CACNB2: variants seen among roughly 807,000 people sequenced by gnomAD.
The protein encoded by CACNB2 is calcium voltage-gated channel auxiliary subunit beta 2.
CACNB2 carries 42 observed loss-of-function variants against 73.3 expected under a neutral mutation model. The ratio of observed to expected loss-of-function variants is 0.57; its 90% CI spans 0.45 to 0.74. The LOEUF (loss-of-function observed/expected upper bound fraction) is 0.74. Ranked by LOEUF, CACNB2 falls within the 30% of genes least tolerant of loss-of-function variation. The pLI is 0.00. For synonymous variants in CACNB2, 348 were observed against 310.3 expected, an observed-to-expected ratio of 1.12 and a Z score of -1.28; for missense variants, 940 against 853.0, an observed-to-expected ratio of 1.10 and a Z score of -1.27.
chr10:18,413,649 A>T (rs1247369003), intron 3 of CACNB2, among the ~76,000 whole-genome samples: 1 of 152,206 alleles, frequency 6.6e-6, no homozygotes, highest in African/African-American at 2.4e-5. Context: ...TTGCAGGGGC[A>T]GGGGTCATGC....
At chr10:18,505,144 C>T (rs10828803) in intron 5 of CACNB2, among the ~76,000 whole-genome samples, 33,940 of 151,444 alleles carry the variant, frequency 0.22, 4,027 homozygotes, top group East Asian at 0.36. Context: ...CCATTTGCAG[C>T]ATTTGTCACA....
intron 3 of CACNB2, among the ~76,000 whole-genome samples, chr10:18,403,787 A>C (rs1351502363): frequency 2.0e-5 from 3 of 152,192 alleles, no homozygotes; most frequent in Non-Finnish European, 4.4e-5. Flanking sequence ...TTTAAAACAA[A>C]GGCAAAATAA....
intron 2 of CACNB2, among the ~76,000 whole-genome samples, chr10:18,401,657 A>G (rs1421380088): frequency 6.6e-6 from 1 of 152,126 alleles, no homozygotes; most frequent in Non-Finnish European, 1.5e-5. Flanking sequence ...TAATTATAAA[A>G]CCAACTTGTT....
intron 3 of CACNB2, among the ~76,000 whole-genome samples, chr10:18,417,328 A>T (rs1463988996): frequency 2.8e-5 from 4 of 144,962 alleles, no homozygotes. Flanking sequence ...ACACTTCAAC[A>T]TTATTTAAAC....
At chr10:18,418,387 G>C (rs558443131) in intron 3 of CACNB2, among the ~76,000 whole-genome samples, 1 of 152,280 alleles carries the variant, frequency 6.6e-6, no homozygotes, top group South Asian at 2.1e-4. Context: ...TGTTTATTCT[G>C]ATTTCCTACT....
chr10:18,271,576 C>CAT (rs1321658897), intron 2 of CACNB2, among the ~76,000 whole-genome samples: 2 of 152,106 alleles, frequency 1.3e-5, no homozygotes, highest in African/African-American at 4.8e-5. Flanking sequence ...ACATCTTTAT[C>CAT]ATATATAAAA....
intron 3 of CACNB2, among the ~76,000 whole-genome samples, chr10:18,421,816 C>A (rs547838290): frequency 6.6e-6 from 1 of 152,256 alleles, no homozygotes; most frequent in African/African-American, 2.4e-5. Flanking sequence ...TAAGCCCAGC[C>A]TTTTTCCTTT....
intron 2 of CACNB2, among the ~76,000 whole-genome samples, chr10:18,300,006 T>C (rs2039443689): frequency 6.7e-6 from 1 of 149,522 alleles, no homozygotes; most frequent in South Asian, 2.1e-4. Context: ...ACCCAGTGAA[T>C]GCATGTTGCA....
intron 2 of CACNB2, among the ~76,000 whole-genome samples, chr10:18,219,076 G>A (rs2035625129): frequency 6.6e-6 from 1 of 152,144 alleles, no homozygotes; most frequent in African/African-American, 2.4e-5. Context: ...GAAGTAGGAG[G>A]ATTGCTTGAG....
chr10:18,146,374 A>G (rs1206091409), intron 1 of CACNB2, among the ~76,000 whole-genome samples: 2 of 147,546 alleles, frequency 1.4e-5, no homozygotes, highest in African/African-American at 2.5e-5. Flanking sequence ...CAGTGGTGCA[A>G]TCTTGGCTCA....
At chr10:18,272,194 GTGGATC>G (rs2038082911) in intron 2 of CACNB2, among the ~76,000 whole-genome samples, 1 of 152,108 alleles carries the variant, frequency 6.6e-6, no homozygotes, top group Non-Finnish European at 1.5e-5. Context: ...ATTCGAAAGA[GTGGATC>G]ACAATCTTTT....
chr10:18,442,986 G>GTGTA (rs1554820348), intron 3 of CACNB2, among the ~76,000 whole-genome samples: 8 of 19,244 alleles, frequency 4.2e-4, no homozygotes, highest in East Asian at 1.7e-3. Flanking sequence ...ATATATATAT[G>GTGTA]TATATATATA....
At chr10:18,180,754 C>T (rs923006857) in intron 2 of CACNB2, among the ~76,000 whole-genome samples, 3 of 152,048 alleles carry the variant, frequency 2.0e-5, no homozygotes, top group Non-Finnish European at 4.4e-5. Flanking sequence ...ATCACGAGGT[C>T]AGGAGATCGA....
At chr10:18,365,673 A>G (rs1367975472) in intron 2 of CACNB2, among the ~76,000 whole-genome samples, 1 of 152,198 alleles carries the variant, frequency 6.6e-6, no homozygotes, top group Non-Finnish European at 1.5e-5. Flanking sequence ...TTTTGCTGAA[A>G]TATTTTCTCT....
intron 2 of CACNB2, among the ~76,000 whole-genome samples, chr10:18,215,164 C>A (rs1040866979): frequency 2.0e-5 from 3 of 151,820 alleles, no homozygotes; most frequent in South Asian, 2.1e-4. Flanking sequence ...ATCTAGCGTT[C>A]CCTCCCAAGA....
chr10:18,186,889 C>G (rs1374734405), intron 2 of CACNB2, among the ~76,000 whole-genome samples: 1 of 152,176 alleles, frequency 6.6e-6, no homozygotes, highest in Non-Finnish European at 1.5e-5. Context: ...AATGGGGCAG[C>G]TTTTGTACAA....
rs1414923027 is a variant in CACNB2 at position 18,410,153 on chromosome 10, G to T, written c.333+8110G>T. On this transcript the variant is annotated intron_variant, in intron 3 of 13. Coordinates refer to ENST00000324631, the MANE Select transcript of CACNB2 (RefSeq NM_201596.3). Reference sequence around the variant, plus strand: ...TTTCTACTCCTTAGCCGTCCTGCCCGCCTCTTGCAGGTACTCTTATTCTAA... The same window carrying T: ...TTTCTACTCCTTAGCCGTCCTGCCCTCCTCTTGCAGGTACTCTTATTCTAA... 3.3e-5 allele frequency among the ~76,000 whole-genome samples: 5 copies of T among 152,198 alleles called. No homozygotes were observed. In the East Asian group the frequency reaches 9.7e-4, roughly 29 times the overall value.
intron 2 of CACNB2, among the ~76,000 whole-genome samples, chr10:18,349,338 T>G (rs111934395): frequency 0.039 from 5,942 of 152,232 alleles, 192 homozygotes; most frequent in African/African-American, 0.09. Flanking sequence ...AAAGAACCGT[T>G]TTCCCGGAGC....
At chr10:18,163,361 T>C (rs2032612203) in intron 2 of CACNB2, among the ~76,000 whole-genome samples, 2 of 152,200 alleles carry the variant, frequency 1.3e-5, no homozygotes, top group Admixed American at 1.3e-4. Context: ...CTCTTGGGAA[T>C]GTTTACGTGT....
Sources: gnomAD v4.1 joint callset for allele counts (sites outside exome capture counted in the v4.1 genomes callset) on GRCh38, gnomAD v4.1.1 for gene constraint, MANE v1.5 for transcripts, NCBI Gene and HGNC (gene_info 2026-07-23, HGNC 2026-07-21) for gene names.